AGL: variants seen among roughly 807,000 people sequenced by gnomAD.
The protein encoded by AGL is amylo-alpha-1,6-glucosidase and 4-alpha-glucanotransferase, also known as glycogen debranching enzyme.
Under a neutral mutation model 199.3 loss-of-function variants are expected in AGL, and 128 were observed. That is an observed-to-expected ratio of 0.64 (90% confidence interval 0.56 to 0.74). The LOEUF (loss-of-function observed/expected upper bound fraction) is 0.74, where lower values mean the gene tolerates loss of function less well. Ranked by LOEUF, AGL falls within the 30% of genes least tolerant of loss-of-function variation. The pLI, the probability that AGL is intolerant of heterozygous loss-of-function variation, is 0.00. For synonymous variants in AGL, 584 were observed against 594.7 expected, an observed-to-expected ratio of 0.98 and a Z score of 0.26; for missense variants, 1,809 against 1,820.8, an observed-to-expected ratio of 0.99 and a Z score of 0.12.
At chr1:99,917,016 A>G (rs112278232) in intron 33 of AGL, among the ~76,000 whole-genome samples, 3 of 152,150 alleles carry the variant, frequency 2.0e-5, no homozygotes, top group Admixed American at 1.3e-4. Flanking sequence ...TGTGGTTAGC[A>G]CAGGATAAAT....
At chr1:99,852,304 T>C (rs1211026277) in intron 2 of AGL, among the ~76,000 whole-genome samples, 1 of 151,248 alleles carries the variant, frequency 6.6e-6, no homozygotes, top group East Asian at 1.9e-4. Context: ...GCTCTGCTGC[T>C]AACAAGCTGA....
In AGL at chr1:99,875,246, A is replaced by T. The variant is rs1448701628; in HGVS notation, c.1175A>T (p.His392Leu). The T allele has an allele frequency of 6.2e-7, 1 of 1,613,976 alleles. No individual in the cohort carries two copies. Among genetic ancestry groups the T allele is most frequent in the Non-Finnish European group, 8.5e-7 (1 of 1,179,848 alleles). The change falls in exon 9 of 34, where the codon CAT becomes CTT. Residue 392 changes from histidine to leucine, a missense_variant. Coordinates refer to ENST00000361915, the MANE Select transcript of AGL (RefSeq NM_000642.3). The part of the protein sequence containing the change: ...NSEKHRLINY[H>L]QEQAVNCLLG... ...GAGAAGCATCGACTCATTAACTATC[A>T]TCAGGAACAGGTTTTACTTATTTTT...
rs145092704 is a variant in AGL at position 99,913,665 on chromosome 1, A to G, written c.4088A>G (p.Lys1363Arg). ...PNLVHKRGIY[K>R]DSYGASSPWC... ...CTGGTTCACAAACGTGGCATATACA[A>G]AGATAGTTATGGAGCTTCAAGTCCT... The change falls in exon 30 of 34, where the codon AAA (lysine) becomes AGA (arginine). Residue 1363 changes from lysine (K) to arginine (R), a missense_variant. Coordinates refer to ENST00000361915, the MANE Select transcript of AGL (RefSeq NM_000642.3). The G allele has an allele frequency of 6.2e-7, 1 of 1,614,124 alleles. No homozygotes were observed. Among genetic ancestry groups the G allele is most frequent in the African/African-American group, 1.3e-5 (1 of 75,044 alleles).
chr1:99,850,789 G>A, intron 1 of AGL, 186 bp from the exon 2 acceptor site: 2 of 485,198 alleles, frequency 4.1e-6, no homozygotes, highest in South Asian at 4.5e-5. Flanking sequence ...GGTCTTATTC[G>A]TTGTGCTCAA....
chr1:99,858,507 C>T (rs1649765404), intron 2 of AGL, among the ~76,000 whole-genome samples: 1 of 152,178 alleles, frequency 6.6e-6, no homozygotes, highest in African/African-American at 2.4e-5. Context: ...GGCAAACATA[C>T]ATGAATGGAT....
At chr1:99,893,326 T>TA (rs1653051092) in intron 24 of AGL, among the ~76,000 whole-genome samples, 1 of 152,186 alleles carries the variant, frequency 6.6e-6, no homozygotes, top group African/African-American at 2.4e-5. Flanking sequence ...TAAAAAGACT[T>TA]AGTGATACCC....
At chr1:99,864,637 C>G (rs1256063876) in intron 5 of AGL, 48 bp downstream of exon 5, 1 of 1,448,826 alleles carries the variant, frequency 6.9e-7, no homozygotes, top group Non-Finnish European at 9.7e-7. Context: ...AGAATTTATG[C>G]ACACACACAT....
At chr1:99,911,664 A>G (rs1032413130) in intron 28 of AGL, among the ~76,000 whole-genome samples, 2 of 152,252 alleles carry the variant, frequency 1.3e-5, no homozygotes, top group African/African-American at 2.4e-5. Flanking sequence ...GCTGATCTCA[A>G]ATTTTTGGCC....
At chr1:99,875,104 A>C (rs747132145) in intron 8 of AGL, 50 bp from the exon 9 acceptor site, 2 of 1,502,708 alleles carry the variant, frequency 1.3e-6, no homozygotes, top group Non-Finnish European at 1.8e-6. Context: ...TTAAATGTAG[A>C]ATCTGTAAAG....
At chr1:99,914,242 G>A (rs1289722742) in intron 30 of AGL, among the ~76,000 whole-genome samples, 1 of 152,240 alleles carries the variant, frequency 6.6e-6, no homozygotes, top group African/African-American at 2.4e-5. Flanking sequence ...TACCCTGAAA[G>A]CTGAGGGTCT....
intron 2 of AGL, among the ~76,000 whole-genome samples, chr1:99,860,489 G>A (rs938651569): frequency 2.0e-5 from 3 of 152,154 alleles, no homozygotes; most frequent in Admixed American, 6.5e-5. Context: ...TATAAAGAAG[G>A]TTTAAAGTCT....
Position 99,884,524 on chromosome 1 carries a change from TAAATTACTCCTAA to T in AGL, c.2547-38_2547-26del, listed in dbSNP as rs753050343. On this transcript the variant is annotated intron_variant, in intron 19 of 33. Transcript: ENST00000361915. ...GTTTGCATATCCTGTTAAATTTGAA[TAAATTACTCCTAA>T]AAATTAACCACTTTTTAATTAACAT... is the stretch of plus-strand genomic sequence containing the variant. The T allele has an allele frequency of 6.2e-6, 10 of 1,609,170 alleles. No individual in the cohort carries two copies. The African/African-American group carries it at 1.2e-4, about 19-fold the overall frequency.
At chr1:99,917,840 A>G (rs191728382) in intron 33 of AGL, among the ~76,000 whole-genome samples, 1 of 152,110 alleles carries the variant, frequency 6.6e-6, no homozygotes, top group Non-Finnish European at 1.5e-5. Flanking sequence ...CCTGTGTGCT[A>G]TCATCATCAT....
Position 99,915,495 on chromosome 1 carries a change from G to C in AGL, c.4259+9G>C. On this transcript the variant is annotated intron_variant, in intron 31 of 33. Coordinates refer to ENST00000361915, the MANE Select transcript of AGL (RefSeq NM_000642.3). Reference sequence around the variant, plus strand: ...AAAACTTTAGATCCAGAGTAAGTTGGAATATAAGTATTAAGAATGTTATCA... The same window carrying C: ...AAAACTTTAGATCCAGAGTAAGTTGCAATATAAGTATTAAGAATGTTATCA... 1 of 1,584,672 alleles carries C rather than the reference G, an allele frequency of 6.3e-7. No individual in the cohort carries two copies. Among genetic ancestry groups the C allele is most frequent in the South Asian group, 1.1e-5 (1 of 90,478 alleles).
At position 99,862,520 on chromosome 1, in the gene AGL, C is replaced by G. The variant is rs901842419; in HGVS notation, c.460+97C>G. ...AAAGTTTTGTGTATTAGTCCATTCT[C>G]TCATTGCAGTAAAGAACTACCTGAG... On this transcript the variant is annotated intron_variant, in intron 4 of 33. Transcript: ENST00000361915. The G allele has an allele frequency of 2.3e-6, 3 of 1,324,528 alleles. No homozygotes were observed. The Admixed American group carries it at 5.3e-5, about 23-fold the overall frequency. The allele number at this position is 1,324,528 out of a possible 1,614,324, so 82.0% of individuals were successfully genotyped here.
Position 99,921,691 on chromosome 1 carries a change from G to T in AGL, c.*40G>T. 5 of 1,400,848 alleles carry T rather than the reference G, an allele frequency of 3.6e-6. No individual in the cohort carries two copies. Among genetic ancestry groups the T allele is most frequent in the Non-Finnish European group, 5.1e-6 (5 of 989,358 alleles). The allele number at this position is 1,400,848 out of a possible 1,614,324, so 86.8% of individuals were successfully genotyped here. On this transcript the variant is annotated 3_prime_UTR_variant, in exon 34 of 34. Transcript: ENST00000361915. ...TAAGTATGCAATTACTTGTATTATA[G>T]GATGCAAGGTCATCATATGTAAATG...
At chr1:99,854,030 C>T (rs1265787480) in intron 2 of AGL, among the ~76,000 whole-genome samples, 1 of 152,022 alleles carries the variant, frequency 6.6e-6, no homozygotes, top group African/African-American at 2.4e-5. Context: ...CCCTTCTCTA[C>T]TAAAAATACA....
At chr1:99,864,336 G>A (rs1650321350) in intron 4 of AGL, 50 bp from the exon 5 acceptor site, 7 of 1,463,142 alleles carry the variant, frequency 4.8e-6, no homozygotes, top group Non-Finnish European at 6.7e-6. Flanking sequence ...ATTTTAGGCT[G>A]GTTTTGTTTG....
chr1:99,853,782 T>G (rs1649174484), intron 2 of AGL, among the ~76,000 whole-genome samples: 1 of 152,092 alleles, frequency 6.6e-6, no homozygotes, highest in Non-Finnish European at 1.5e-5. Context: ...CCCAGCTACC[T>G]AGGAGGTTGA....
Sources: allele counts gnomAD v4.1 joint callset (sites outside exome capture counted in the v4.1 genomes callset), GRCh38; gene constraint gnomAD v4.1.1; transcripts MANE v1.5; gene names NCBI Gene and HGNC (gene_info 2026-07-23, HGNC 2026-07-21).